PTPRM: variants seen among roughly 807,000 people sequenced by gnomAD.
PTPRM encodes protein tyrosine phosphatase receptor type M, also known as receptor-type tyrosine-protein phosphatase mu.
In PTPRM, 47 loss-of-function variants were observed where a neutral mutation model predicts 186.7. The ratio of observed to expected loss-of-function variants is 0.25; its 90% CI spans 0.20 to 0.32. The LOEUF (loss-of-function observed/expected upper bound fraction) is 0.32, where lower values mean the gene tolerates loss of function less well. PTPRM is among the 10% of genes least tolerant of loss of function. PTPRM has a pLI of 1.00. For synonymous variants in PTPRM, 668 were observed against 674.9 expected (o/e 0.99, Z 0.16); for missense variants, 1,494 against 1,865.0 (o/e 0.80, Z 3.66).
chr18:8,397,732 C>T (rs1010225123), intron 32 of PTPRM, among the ~76,000 whole-genome samples: 3 of 150,320 alleles, frequency 2.0e-5, no homozygotes, highest in Non-Finnish European at 2.9e-5. Flanking sequence ...GAAGAGACTC[C>T]GGCTGCAGGA....
chr18:8,090,418 C>G (rs1304800284), intron 11 of PTPRM, among the ~76,000 whole-genome samples: 2 of 152,148 alleles, frequency 1.3e-5, no homozygotes, highest in African/African-American at 4.8e-5. Flanking sequence ...TTCAATGCCT[C>G]CAAACTGAAG....
At chr18:8,305,749 C>T (rs1307403437) in intron 20 of PTPRM, among the ~76,000 whole-genome samples, 2 of 152,166 alleles carry the variant, frequency 1.3e-5, no homozygotes, top group African/African-American at 4.8e-5. Flanking sequence ...AAAGTATCTC[C>T]ACCTCCTCTT....
intron 7 of PTPRM, among the ~76,000 whole-genome samples, chr18:8,038,606 C>T (rs1030726071): frequency 6.6e-6 from 1 of 152,050 alleles, no homozygotes; most frequent in Non-Finnish European, 1.5e-5. Flanking sequence ...TGGCCAGGCT[C>T]ATCTCCAACT....
intron 23 of PTPRM, among the ~76,000 whole-genome samples, chr18:8,361,564 G>A (rs2095597406): frequency 6.6e-6 from 1 of 152,212 alleles, no homozygotes; most frequent in South Asian, 2.1e-4. Flanking sequence ...GCTAGTTAAT[G>A]TGGGACCCAG....
intron 7 of PTPRM, among the ~76,000 whole-genome samples, chr18:8,059,264 T>C (rs1392021191): frequency 9.7e-6 from 1 of 103,102 alleles, no homozygotes; most frequent in Non-Finnish European, 1.9e-5. Flanking sequence ...TTGTCTGTTG[T>C]TGGTGTATAA....
intron 13 of PTPRM, among the ~76,000 whole-genome samples, chr18:8,125,287 A>G (rs1258895710): frequency 6.6e-6 from 1 of 151,852 alleles, no homozygotes; most frequent in Non-Finnish European, 1.5e-5. Flanking sequence ...AGGGTTCCAG[A>G]GAAGGAATTT....
intron 9 of PTPRM, among the ~76,000 whole-genome samples, chr18:8,085,320 C>A (rs1256560540): frequency 6.6e-6 from 1 of 152,034 alleles, no homozygotes; most frequent in African/African-American, 2.4e-5. Context: ...TTGTCAGTAT[C>A]TTATCTGTTT....
intron 1 of PTPRM, among the ~76,000 whole-genome samples, chr18:7,634,684 T>C (rs1447327388): frequency 6.6e-6 from 1 of 152,242 alleles, no homozygotes; most frequent in Non-Finnish European, 1.5e-5. Flanking sequence ...TTTGTTATTC[T>C]TGTAAAATCC....
intron 19 of PTPRM, among the ~76,000 whole-genome samples, chr18:8,254,156 T>C (rs549835194): frequency 2.0e-5 from 3 of 152,354 alleles, no homozygotes; most frequent in South Asian, 2.1e-4. Flanking sequence ...CAGTGACAGC[T>C]GTTACTGTCC....
At chr18:7,840,902 G>T (rs2046289108) in intron 2 of PTPRM, among the ~76,000 whole-genome samples, 1 of 152,218 alleles carries the variant, frequency 6.6e-6, no homozygotes, top group African/African-American at 2.4e-5. Flanking sequence ...GTTTGGTAGT[G>T]TAAGACAGGC....
intron 21 of PTPRM, among the ~76,000 whole-genome samples, chr18:8,316,197 A>C (rs1265299232): frequency 6.6e-6 from 1 of 152,020 alleles, no homozygotes; most frequent in Non-Finnish European, 1.5e-5. Flanking sequence ...CACCGTTCAC[A>C]CTCCAGTCCC....
intron 6 of PTPRM, among the ~76,000 whole-genome samples, chr18:7,954,240 T>C (rs1232251323): frequency 6.6e-6 from 1 of 152,146 alleles, no homozygotes; most frequent in African/African-American, 2.4e-5. Flanking sequence ...AGGGACTTTC[T>C]TGGGTTGTAA....
intron 2 of PTPRM, among the ~76,000 whole-genome samples, chr18:7,842,762 CTCAA>C (rs1459290832): frequency 6.6e-6 from 1 of 151,086 alleles, no homozygotes; most frequent in African/African-American, 2.4e-5. Context: ...TTCTTAAAAT[CTCAA>C]TCAATCTCTC....
Position 8,266,047 on chromosome 18 carries a change from G to A in PTPRM, c.2754+12633G>A, listed in dbSNP as rs192049975. On this transcript the variant is annotated intron_variant, in intron 19 of 32. Coordinates refer to ENST00000580170, the MANE Select transcript of PTPRM (RefSeq NM_001105244.2). ...ATTTTATTCCAAGTTTCTGAATGAG[G>A]TGGTTTCTATCCCGATGTGCCCTTC... Among the ~76,000 whole-genome samples, 3 of 152,210 alleles carry A rather than the reference G, an allele frequency of 2.0e-5. No homozygotes were observed. The East Asian group carries it at 5.8e-4, about 29-fold the overall frequency.
chr18:7,794,413 T>TC (rs2043501124), intron 2 of PTPRM, among the ~76,000 whole-genome samples: 1 of 151,982 alleles, frequency 6.6e-6, no homozygotes, highest in African/African-American at 2.4e-5. Context: ...AGTGAACTAC[T>TC]CCCCCTGTCA....
chr18:8,195,958 C>T (rs918678220), intron 14 of PTPRM, among the ~76,000 whole-genome samples: 5 of 152,158 alleles, frequency 3.3e-5, no homozygotes, highest in African/African-American at 4.8e-5. Flanking sequence ...ACACAGCTGA[C>T]TCCTTATCTA....
At chr18:8,386,275 G>T (rs979307926) in intron 30 of PTPRM, among the ~76,000 whole-genome samples, 2 of 152,122 alleles carry the variant, frequency 1.3e-5, no homozygotes, top group Non-Finnish European at 2.9e-5. Flanking sequence ...ATCTAAAGCC[G>T]TGAGCCTGAA....
At chr18:8,192,484 G>A (rs111543009) in intron 14 of PTPRM, among the ~76,000 whole-genome samples, 24 of 152,284 alleles carry the variant, frequency 1.6e-4, no homozygotes, top group African/African-American at 5.8e-4. Flanking sequence ...ACAAGAGCCT[G>A]CATGAAAGGG....
At chr18:7,811,342 G>C (rs1205625441) in intron 2 of PTPRM, among the ~76,000 whole-genome samples, 1 of 152,096 alleles carries the variant, frequency 6.6e-6, no homozygotes, top group Non-Finnish European at 1.5e-5. Context: ...CTTTGCACAG[G>C]ATGCTTGGGA....
Sources: allele counts gnomAD v4.1 joint callset (sites outside exome capture counted in the v4.1 genomes callset), GRCh38; gene constraint gnomAD v4.1.1; transcripts MANE v1.5; gene names NCBI Gene and HGNC (gene_info 2026-07-23, HGNC 2026-07-21).